Variants in ADAM12 observed in about 807,000 individuals in gnomAD.
The protein encoded by ADAM12 is disintegrin and metalloproteinase domain-containing protein 12.
A neutral mutation model predicts 106.4 loss-of-function variants in ADAM12; 70 were observed. That is an observed-to-expected ratio of 0.66 (90% CI 0.54 to 0.80). ADAM12 has a LOEUF of 0.80. Among genes scored for constraint, ADAM12 ranks in the 30% least tolerant of loss-of-function variants. ADAM12 has a pLI of 0.00. For missense variants in ADAM12, 1,010 were observed against 1,171.9 expected, an observed-to-expected ratio of 0.86 and a Z score of 2.02; for synonymous variants, 420 against 433.5, an observed-to-expected ratio of 0.97 and a Z score of 0.39.
intron 2 of ADAM12, among the ~76,000 whole-genome samples, chr10:126,328,474 T>C (rs1288547579): frequency 6.6e-6 from 1 of 152,214 alleles, no homozygotes. Flanking sequence ...CCAGAATGCC[T>C]ATTCCCACAG....
chr10:126,169,105 C>A (rs1349336128), intron 3 of ADAM12, among the ~76,000 whole-genome samples: 1 of 152,240 alleles, frequency 6.6e-6, no homozygotes, highest in South Asian at 2.1e-4. Flanking sequence ...ACCAGGCCCA[C>A]CCCCTCTACC....
chr10:126,335,954 A>T (rs886445563), intron 1 of ADAM12, among the ~76,000 whole-genome samples: 2 of 151,110 alleles, frequency 1.3e-5, no homozygotes, highest in Non-Finnish European at 1.5e-5. Flanking sequence ...GTAATCGTCA[A>T]AACTGTCAAC....
intron 3 of ADAM12, among the ~76,000 whole-genome samples, chr10:126,244,559 G>A (rs897479130): frequency 6.6e-6 from 1 of 152,172 alleles, no homozygotes; most frequent in African/African-American, 2.4e-5. Context: ...TAACAAGATC[G>A]TATCCTCTTC....
intron 3 of ADAM12, among the ~76,000 whole-genome samples, chr10:126,160,433 T>A (rs1433438568): frequency 6.6e-6 from 1 of 152,182 alleles, no homozygotes; most frequent in Non-Finnish European, 1.5e-5. Context: ...TCAGCCCCAG[T>A]GCTATGAGCT....
rs545373278 is a variant in ADAM12, at chr10:126,078,340, G to GC, written c.1146-6687dup. 3.3e-5 allele frequency among the ~76,000 whole-genome samples: 5 copies of GC among 152,234 alleles called. No homozygotes were observed. The East Asian group carries it at 9.7e-4, about 29-fold the overall frequency. On this transcript the variant is annotated intron_variant, in intron 11 of 22. Transcript: ENST00000448723. ...CAATATGACCTGAACCTGGTCCCAT[G>GC]CCCCCCTTGCCAAGCTCCTTCCTTA...
chr10:126,143,735 C>G, intron 4 of ADAM12, among the ~76,000 whole-genome samples: 1 of 151,586 alleles, frequency 6.6e-6, no homozygotes, highest in East Asian at 1.9e-4. Flanking sequence ...TGTGTATATG[C>G]ATTGTGTGTA....
rs1178274353 is a variant in ADAM12 at position 126,206,861 on chromosome 10, G to GGT, written c.261-51557_261-51556insAC. 2.2e-4 allele frequency among the ~76,000 whole-genome samples: 29 copies of GGT among 130,896 alleles called. 4 individuals are homozygous for GGT. Among genetic ancestry groups the GGT allele is most frequent in the East Asian group, 4.1e-4 (2 of 4,834 alleles). The allele number at this position is 130,896 out of a possible 152,430, so 85.9% of individuals were successfully genotyped here. A position where few individuals can be genotyped will look rare whatever the true frequency, so the allele number is the denominator to read the frequency against. On this transcript the variant is annotated intron_variant, in intron 3 of 22. Coordinates refer to ENST00000448723, the MANE Select transcript of ADAM12 (RefSeq NM_001288973.2). ...CTGAATTCCCATGTGTTGTGGGGGCGGGGGGGAGCCAGTGGGAGGTAATTG... is the reference window on the plus strand; with the variant it reads ...CTGAATTCCCATGTGTTGTGGGGGCGGTGGGGGGAGCCAGTGGGAGGTAATTG...
At chr10:126,128,565 G>C (rs1182728569) in intron 5 of ADAM12, among the ~76,000 whole-genome samples, 1 of 151,774 alleles carries the variant, frequency 6.6e-6, no homozygotes, top group African/African-American at 2.4e-5. Context: ...GTGCAAGTGG[G>C]CGCCTGTGCA....
At chr10:126,191,158 C>T (rs1157734331) in intron 3 of ADAM12, among the ~76,000 whole-genome samples, 11 of 151,758 alleles carry the variant, frequency 7.2e-5, no homozygotes, top group Admixed American at 2.6e-4. Flanking sequence ...CCTGCCACCA[C>T]GCCCGGCTAA....
chr10:126,192,657 G>T (rs532001706), intron 3 of ADAM12, among the ~76,000 whole-genome samples: 1 of 152,190 alleles, frequency 6.6e-6, no homozygotes, highest in Non-Finnish European at 1.5e-5. Context: ...TCAGTAGATG[G>T]GATCCCCCTC....
chr10:126,327,112 G>A (rs566902201), intron 2 of ADAM12, among the ~76,000 whole-genome samples: 1 of 152,294 alleles, frequency 6.6e-6, no homozygotes, highest in Admixed American at 6.5e-5. Flanking sequence ...CATGAGGAGA[G>A]AATGGAGGGA....
chr10:126,042,343 A>T, intron 18 of ADAM12: 1 of 1,421,818 alleles, frequency 7.0e-7, no homozygotes, highest in Non-Finnish European at 9.4e-7. Context: ...TCATCCGAGG[A>T]GAAATGGCCA....
chr10:126,139,577 G>A (rs1422370880), intron 4 of ADAM12, among the ~76,000 whole-genome samples: 1 of 152,112 alleles, frequency 6.6e-6, no homozygotes, highest in Non-Finnish European at 1.5e-5. Context: ...GAAATGGCTA[G>A]GTATGCAGGG....
chr10:126,270,689 G>C (rs758148928), intron 3 of ADAM12, among the ~76,000 whole-genome samples: 1 of 152,160 alleles, frequency 6.6e-6, no homozygotes, highest in Admixed American at 6.5e-5. Context: ...TTTAACAAGC[G>C]CTCCAGGTGG....
At position 126,101,152 on chromosome 10, in the gene ADAM12, G is replaced by A. The variant is rs1254102339; in HGVS notation, c.831C>T (p.Phe277=). 1.2e-6 allele frequency: 2 copies of A among 1,614,012 alleles called. No individual in the cohort carries two copies. The highest frequency in any genetic ancestry group is 1.3e-5 in the African/African-American group (1 of 74,914). ...AGTCCAGAAATTCATGGAGGCTGGT[G>A]AATGGGTCCTGACTTACAGAGCATT... The part of the protein sequence containing the change: ...MDKCSVSQDP[F]TSLHEFLDWR... The change falls in exon 9 of 23, where the codon TTC becomes TTT. Residue 277 remains phenylalanine (F), a synonymous_variant. Transcript: ENST00000448723.
At chr10:126,297,657 T>C (rs143765296) in intron 2 of ADAM12, among the ~76,000 whole-genome samples, 419 of 152,352 alleles carry the variant, frequency 2.8e-3, no homozygotes, top group Middle Eastern at 6.8e-3. Context: ...TAATGACAGT[T>C]TGAGTCATTT....
Position 126,121,086 on chromosome 10 carries a change from T to A in ADAM12, c.417-2862A>T, listed in dbSNP as rs1245998732. Among the ~76,000 whole-genome samples, 4 of 73,202 alleles carry A rather than the reference T, an allele frequency of 5.5e-5. No individual in the cohort carries two copies. In the East Asian group the frequency reaches 1.5e-3, roughly 27 times the overall value. 48.0% of individuals were successfully genotyped at this position (73,202 alleles called of 152,430 possible). A position where few individuals can be genotyped will look rare whatever the true frequency, so the allele number is the denominator to read the frequency against. ...ATAATTAAATATATTATATATTAGA[T>A]GTATAATATACTATATTATATATAG... On this transcript the variant is annotated intron_variant, in intron 5 of 22. Transcript: ENST00000448723.
intron 3 of ADAM12, among the ~76,000 whole-genome samples, chr10:126,267,249 C>T (rs985169978): frequency 2.0e-5 from 3 of 152,106 alleles, no homozygotes; most frequent in Non-Finnish European, 4.4e-5. Flanking sequence ...ATCAGTGGTC[C>T]CCAAACTTTT....
chr10:126,209,197 C>T (rs1241820397), intron 3 of ADAM12, among the ~76,000 whole-genome samples: 1 of 152,172 alleles, frequency 6.6e-6, no homozygotes, highest in East Asian at 1.9e-4. Flanking sequence ...TGGCTACTTC[C>T]AGAAAATGTA....
Sources: allele counts gnomAD v4.1 joint callset (sites outside exome capture counted in the v4.1 genomes callset), GRCh38; gene constraint gnomAD v4.1.1; transcripts MANE v1.5; gene names NCBI Gene and HGNC (gene_info 2026-07-23, HGNC 2026-07-21).